Variants in ABLIM3 observed in about 807,000 individuals in gnomAD.
ABLIM3 encodes the protein actin-binding LIM protein 3.
A neutral mutation model predicts 109.5 loss-of-function variants in ABLIM3; 61 were observed. The ratio of observed to expected loss-of-function variants is 0.56; its 90% confidence interval spans 0.45 to 0.69. The LOEUF (loss-of-function observed/expected upper bound fraction) is 0.69, where lower values mean the gene tolerates loss of function less well. ABLIM3 is among the 30% of genes least tolerant of loss of function. ABLIM3 has a pLI of 0.00. For synonymous variants in ABLIM3, 300 were observed against 324.8 expected (o/e 0.92, Z 0.82); for missense variants, 796 against 889.5 (o/e 0.89, Z 1.34).
intron 10 of ABLIM3, among the ~76,000 whole-genome samples, chr5:149,235,840 T>G (rs1762294185): frequency 6.6e-6 from 1 of 151,884 alleles, no homozygotes. Context: ...CATGACGGAG[T>G]TGTGGGCAGG....
At chr5:149,224,641 C>T (rs963765250) in intron 8 of ABLIM3, among the ~76,000 whole-genome samples, 3 of 152,218 alleles carry the variant, frequency 2.0e-5, no homozygotes, top group African/African-American at 7.2e-5. Context: ...CTGCTCTCCC[C>T]TTACCCAAAC....
intron 3 of ABLIM3, among the ~76,000 whole-genome samples, chr5:149,188,224 A>G (rs979225889): frequency 6.6e-6 from 1 of 152,208 alleles, no homozygotes; most frequent in Non-Finnish European, 1.5e-5. Flanking sequence ...AAGAAGTACA[A>G]CTAATCTCTA....
chr5:149,155,186 C>T (rs1753772413), intron 2 of ABLIM3, among the ~76,000 whole-genome samples: 1 of 152,188 alleles, frequency 6.6e-6, no homozygotes, highest in Admixed American at 6.5e-5. Context: ...CTCCCTGCTC[C>T]TCCTTTTTAC....
intron 11 of ABLIM3, 115 bp from the exon 12 acceptor site, chr5:149,239,133 G>A: frequency 1.0e-6 from 1 of 1,001,580 alleles, no homozygotes; most frequent in Non-Finnish European, 1.6e-6. Context: ...GGGTACAAAG[G>A]AACTGCTGCA....
At chr5:149,217,258 G>A (rs1017671060) in intron 8 of ABLIM3, 25 of 590,752 alleles carry the variant, frequency 4.2e-5, no homozygotes, top group Middle Eastern at 7.7e-4. Context: ...TCTGCCTTCC[G>A]TCTCTGTGCA....
At chr5:149,188,396 A>T (rs1757172736) in intron 3 of ABLIM3, among the ~76,000 whole-genome samples, 1 of 152,272 alleles carries the variant, frequency 6.6e-6, no homozygotes, top group Non-Finnish European at 1.5e-5. Context: ...TTGAGAAAAC[A>T]GTTCCACTGG....
At chr5:149,244,600 G>T (rs538496825) in intron 15 of ABLIM3, 1 of 451,468 alleles carries the variant, frequency 2.2e-6, no homozygotes, top group East Asian at 4.0e-5. Flanking sequence ...GCTGGAAAGA[G>T]CCCTGGGCTG....
At chr5:149,250,531 G>A (rs746863485) in intron 20 of ABLIM3, 26 bp downstream of exon 20, 1 of 1,613,814 alleles carries the variant, frequency 6.2e-7, no homozygotes. Flanking sequence ...GGAGGATGGG[G>A]GAGGACGTTG....
chr5:149,213,110 C>T (rs569149787), intron 7 of ABLIM3, among the ~76,000 whole-genome samples: 4 of 152,204 alleles, frequency 2.6e-5, no homozygotes, highest in South Asian at 4.1e-4. Flanking sequence ...AAGATCCTGT[C>T]CGAGGCAAGA....
Position 149,142,035 on chromosome 5 carries a change from A to G in ABLIM3, c.-61A>G, listed in dbSNP as rs1389683415. Reference sequence around the variant, plus strand: ...TGATGAGTGAGGTTCGAAGAACGGAAGATTTAAAAAGCAGCCGGGGCCTCC... The same window carrying G: ...TGATGAGTGAGGTTCGAAGAACGGAGGATTTAAAAAGCAGCCGGGGCCTCC... On this transcript the variant is annotated 5_prime_UTR_variant, in exon 2 of 24. Transcript: ENST00000309868. The G allele has an allele frequency of 4.0e-5, 64 of 1,612,380 alleles. No homozygotes were observed. Among genetic ancestry groups the G allele is most frequent in the Non-Finnish European group, 5.2e-5 (61 of 1,178,844 alleles).
intron 2 of ABLIM3, among the ~76,000 whole-genome samples, chr5:149,176,481 G>A (rs1755940319): frequency 6.6e-6 from 1 of 152,134 alleles, no homozygotes; most frequent in African/African-American, 2.4e-5. Flanking sequence ...TGAGCTTAGT[G>A]GTAAGAGCCC....
chr5:149,142,204 C>A (rs980461871), intron 2 of ABLIM3, 96 bp downstream of exon 2: 1 of 1,557,796 alleles, frequency 6.4e-7, no homozygotes, highest in Admixed American at 1.7e-5. Flanking sequence ...GGAAGGAAGC[C>A]TGGCATCTCT....
At chr5:149,226,861 G>T (rs1286327052) in intron 8 of ABLIM3, among the ~76,000 whole-genome samples, 1 of 151,962 alleles carries the variant, frequency 6.6e-6, no homozygotes, top group Non-Finnish European at 1.5e-5. Context: ...ACCTGAGGTT[G>T]GGAGTTTGAG....
At chr5:149,220,973 T>C (rs895646704) in intron 8 of ABLIM3, 1 of 152,174 alleles carries the variant, frequency 6.6e-6, no homozygotes, top group African/African-American at 2.4e-5. Context: ...CAAATAGAAG[T>C]GTAAACATTC....
At chr5:149,157,054 A>G (rs1345415222) in intron 2 of ABLIM3, among the ~76,000 whole-genome samples, 1 of 152,224 alleles carries the variant, frequency 6.6e-6, no homozygotes, top group African/African-American at 2.4e-5. Flanking sequence ...TGTTACTTCA[A>G]ATAAGATAGA....
chr5:149,224,441 A>AGTAG (rs1760971664), intron 8 of ABLIM3, among the ~76,000 whole-genome samples: 1 of 152,174 alleles, frequency 6.6e-6, no homozygotes, highest in South Asian at 2.1e-4. Context: ...GCTCCAGGCA[A>AGTAG]GTAGGTCTTT....
chr5:149,227,862 C>T (rs1401356655), intron 8 of ABLIM3, among the ~76,000 whole-genome samples: 1 of 152,228 alleles, frequency 6.6e-6, no homozygotes, highest in Non-Finnish European at 1.5e-5. Flanking sequence ...TATTTATTCA[C>T]TCAATGAGTA....
At chr5:149,203,057 A>G (rs973611093) in intron 5 of ABLIM3, among the ~76,000 whole-genome samples, 2 of 151,632 alleles carry the variant, frequency 1.3e-5, no homozygotes, top group African/African-American at 4.8e-5. Flanking sequence ...AACCATCATC[A>G]TCACTAACAT....
In ABLIM3 at chr5:149,246,533, G is replaced by T. The variant is rs369536848; in HGVS notation, c.1538G>T (p.Arg513Leu). 7.1e-5 allele frequency: 114 copies of T among 1,613,880 alleles called. No individual in the cohort carries two copies. The South Asian group carries it at 7.6e-4, about 11-fold the overall frequency. ...SSGGEEDDFD[R>L]SMHKLQSGIG... ...GGAGGAGAGGAGGATGATTTTGACC[G>T]CAGCATGCACAAGGTGGGCAGAGAC... Residue 513 changes from arginine (R) to leucine (L), a missense_variant, in exon 17 of 24, where the codon CGC becomes CTC. Coordinates refer to ENST00000309868, the MANE Select transcript of ABLIM3 (RefSeq NM_014945.5).
Sources: allele counts gnomAD v4.1 joint callset (sites outside exome capture counted in the v4.1 genomes callset), GRCh38; gene constraint gnomAD v4.1.1; transcripts MANE v1.5; gene names NCBI Gene and HGNC (gene_info 2026-07-23, HGNC 2026-07-21).